The following RAD50 variants were observed in gnomAD, a reference collection of about 807,000 sequenced individuals.
The protein encoded by RAD50 is RAD50 double strand break repair protein, also known as DNA repair protein RAD50.
RAD50 carries 132 observed loss-of-function variants against 168.8 expected under a neutral mutation model. That is an observed-to-expected ratio of 0.78 (90% CI 0.68 to 0.90). The LOEUF (loss-of-function observed/expected upper bound fraction) is 0.90, where lower values mean the gene tolerates loss of function less well. Ranked by LOEUF, RAD50 falls within the 40% of genes least tolerant of loss-of-function variation. RAD50 has a pLI of 0.00. For missense variants in RAD50, 1,347 were observed against 1,534.4 expected, an observed-to-expected ratio of 0.88 and a Z score of 2.04; for synonymous variants, 525 against 497.4, an observed-to-expected ratio of 1.06 and a Z score of -0.74.
At chr5:132,629,297 G>C (rs544841328) in intron 21 of RAD50, among the ~76,000 whole-genome samples, 1 of 152,338 alleles carries the variant, frequency 6.6e-6, no homozygotes, top group East Asian at 1.9e-4. Context: ...CAGTCTGTCT[G>C]ATGGAGACCT....
chr5:132,613,568 C>T (rs1388062962), intron 19 of RAD50, among the ~76,000 whole-genome samples: 1 of 148,912 alleles, frequency 6.7e-6, no homozygotes, highest in African/African-American at 2.5e-5. Context: ...ATTACATACA[C>T]TCATTCCTTT....
At chr5:132,635,251 T>TCTAA (rs1263785391) in intron 21 of RAD50, among the ~76,000 whole-genome samples, 3 of 152,248 alleles carry the variant, frequency 2.0e-5, no homozygotes, top group African/African-American at 7.2e-5. Context: ...ATTCCCAGTA[T>TCTAA]TGTCGTAAGG....
At chr5:132,595,971 G>A (rs1750785715) in intron 13 of RAD50, among the ~76,000 whole-genome samples, 161 bp downstream of exon 13, 1 of 151,988 alleles carries the variant, frequency 6.6e-6, no homozygotes. Flanking sequence ...TTTGTTTAAA[G>A]ATAAGCTTGT....
chr5:132,618,078 A>G lies in RAD50; in HGVS notation c.3173A>G (p.Gln1058Arg). The G allele has an allele frequency of 6.2e-7, 1 of 1,612,950 alleles. No homozygotes were observed. Among genetic ancestry groups the G allele is most frequent in the African/African-American group, 1.3e-5 (1 of 75,016 alleles). ...MQVLQMKSEH[Q>R]KLEENIDNIK... ...ATTTTTCTTTTTTACAGTGAACATC[A>G]GAAGTTGGAAGAGAACATAGACAAT... Residue 1058 changes from glutamine to arginine, a missense_variant, in exon 21 of 25, where the codon CAG becomes CGG. Physicochemically the swap from Gln to Arg is conservative, Grantham distance 43. Transcript: ENST00000378823.
intron 2 of RAD50, among the ~76,000 whole-genome samples, chr5:132,574,788 C>G (rs576182066): frequency 1.3e-4 from 20 of 152,282 alleles, no homozygotes; most frequent in African/African-American, 4.8e-4. Context: ...GTTCAAAGGT[C>G]CACACATTCC....
intron 5 of RAD50, among the ~76,000 whole-genome samples, chr5:132,581,366 C>A (rs1246547904): frequency 1.3e-5 from 2 of 152,090 alleles, no homozygotes; most frequent in Non-Finnish European, 2.9e-5. Flanking sequence ...GTGATCTGCC[C>A]GCCTCGGCCT....
chr5:132,595,284 G>A, intron 12 of RAD50: 2 of 579,136 alleles, frequency 3.5e-6, no homozygotes, highest in Non-Finnish European at 6.0e-6. Flanking sequence ...GTGTGAATGA[G>A]ATTGTAATTA....
At chr5:132,633,556 AT>A (rs1273908121) in intron 21 of RAD50, among the ~76,000 whole-genome samples, 1 of 150,316 alleles carries the variant, frequency 6.7e-6, no homozygotes, top group Non-Finnish European at 1.5e-5. Context: ...TGATTGTTTT[AT>A]TTTACCTTAG....
intron 23 of RAD50, among the ~76,000 whole-genome samples, chr5:132,640,294 A>C (rs1019613992): frequency 6.6e-6 from 1 of 152,264 alleles, no homozygotes; most frequent in African/African-American, 2.4e-5. Flanking sequence ...TTATCAGGCA[A>C]ATAGCCAGGT....
At chr5:132,579,599 G>A (rs1013914566) in intron 4 of RAD50, 97 bp downstream of exon 4, 3 of 1,325,990 alleles carry the variant, frequency 2.3e-6, no homozygotes, top group African/African-American at 2.9e-5. Context: ...TTAAAAAGCA[G>A]AAAGGTCATC....
At chr5:132,568,137 C>G (rs541628237) in intron 2 of RAD50, among the ~76,000 whole-genome samples, 5 of 151,854 alleles carry the variant, frequency 3.3e-5, no homozygotes, top group Middle Eastern at 3.4e-3. Flanking sequence ...GTGGCACAAT[C>G]TCGGCTCACT....
rs111722591 is a variant in RAD50 at position 132,598,606 on chromosome 5, A to G, written c.2207+2796A>G. On this transcript the variant is annotated intron_variant, in intron 13 of 24. Coordinates refer to ENST00000378823, the MANE Select transcript of RAD50 (RefSeq NM_005732.4). ...TCAGATGTTGGCTGCAGTCGTCTCA[A>G]AGCATAACCGAGCTGGATGTTCTTG... 7.0e-3 allele frequency among the ~76,000 whole-genome samples: 1,066 copies of G among 152,278 alleles called. 16 individuals carry two copies. Among genetic ancestry groups the G allele is most frequent in the African/African-American group, 0.023 (975 of 41,536 alleles).
chr5:132,609,023 A>G (rs929792573), intron 17 of RAD50, 94 bp from the exon 18 acceptor site: 6 of 1,531,144 alleles, frequency 3.9e-6, no homozygotes, highest in Admixed American at 4.1e-5. Flanking sequence ...CTGGAACCCA[A>G]TGTTCATAAC....
At chr5:132,559,740 T>C (rs554165247) in intron 2 of RAD50, among the ~76,000 whole-genome samples, 13 of 152,330 alleles carry the variant, frequency 8.5e-5, no homozygotes, top group African/African-American at 2.9e-4. Flanking sequence ...TTAGTAGTTA[T>C]GTAATTTTCT....
At chr5:132,606,207 C>G (rs1750982948) in intron 16 of RAD50, among the ~76,000 whole-genome samples, 1 of 151,744 alleles carries the variant, frequency 6.6e-6, no homozygotes, top group Admixed American at 6.6e-5. Flanking sequence ...TTAAAAAGAT[C>G]AACAAAATAG....
intron 2 of RAD50, among the ~76,000 whole-genome samples, chr5:132,571,499 A>T (rs185731177): frequency 4.0e-4 from 61 of 152,292 alleles, no homozygotes; most frequent in African/African-American, 1.3e-3. Flanking sequence ...TAGGAGATAC[A>T]CCTTTATCAA....
intron 3 of RAD50, 147 bp downstream of exon 3, chr5:132,576,075 G>A: frequency 2.4e-6 from 2 of 834,086 alleles, no homozygotes; most frequent in Non-Finnish European, 3.5e-6. Flanking sequence ...AGCAGTTTTG[G>A]GTTTATAGCA....
chr5:132,587,982 T>C lies in RAD50; in HGVS notation c.944T>C (p.Val315Ala). Reference protein sequence around the residue: ...NDLYHNHQRTVREKERKLVDC... With the variant: ...NDLYHNHQRTAREKERKLVDC... ...TTATATCACAATCACCAGAGAACAG[T>C]AAGGGAGAAAGAAAGGAAATTGGTA... Residue 315 changes from valine (V) to alanine (A), a missense_variant, in exon 7 of 25, where the codon GTA becomes GCA. Around this residue, in one of 3 missense-constraint regions of RAD50, gnomAD observed 703 missense variants for 767.7 expected, o/e 0.92. Coordinates refer to ENST00000378823, the MANE Select transcript of RAD50 (RefSeq NM_005732.4). 6.2e-7 allele frequency: 1 copy of C among 1,612,500 alleles called. No homozygotes were observed. Among genetic ancestry groups the C allele is most frequent in the Non-Finnish European group, 8.5e-7 (1 of 1,178,738 alleles).
intron 12 of RAD50, 128 bp from the exon 13 acceptor site, chr5:132,595,445 A>G: frequency 1.8e-6 from 1 of 561,410 alleles, no homozygotes. Context: ...CAGAATTTTT[A>G]TTTCTTTTAT....
Sources: gnomAD v4.1 joint callset for allele counts (sites outside exome capture counted in the v4.1 genomes callset) on GRCh38, gnomAD v4.1.1 for gene constraint, gnomAD v4.1.1 regional missense constraint, MANE v1.5 for transcripts, NCBI Gene and HGNC (gene_info 2026-07-23, HGNC 2026-07-21) for gene names.